ESR1: variants seen among roughly 807,000 people sequenced by gnomAD.
ESR1 encodes the protein estrogen receptor 1, also known as estrogen receptor.
ESR1 carries 12 observed loss-of-function variants against 52.7 expected under a neutral mutation model. The observed-to-expected ratio is 0.23, with a 90% CI of 0.15 to 0.37. The LOEUF is 0.37. Among genes scored for constraint, ESR1 ranks in the 10% least tolerant of loss-of-function variants. The pLI is 1.00. For synonymous variants in ESR1, 305 were observed against 316.8 expected (o/e 0.96, Z 0.39); for missense variants, 584 against 779.7 (o/e 0.75, Z 2.99).
intron 4 of ESR1, among the ~76,000 whole-genome samples, chr6:151,964,874 CCTCGTGATCCA>C (rs1299431472): frequency 6.6e-6 from 1 of 152,168 alleles, no homozygotes; most frequent in African/African-American, 2.4e-5. Context: ...GATCTCCTGA[CCTCGTGATCCA>C]CCCGCCTCAG....
intron 2 of ESR1, among the ~76,000 whole-genome samples, chr6:151,791,875 C>T (rs1776193073): frequency 6.6e-6 from 1 of 152,180 alleles, no homozygotes; most frequent in Non-Finnish European, 1.5e-5. Context: ...AGTTAGACAA[C>T]AAATTCAAAT....
intron 1 of ESR1, among the ~76,000 whole-genome samples, chr6:151,672,267 TA>T (rs771976698): frequency 1.6e-4 from 25 of 152,174 alleles, no homozygotes; most frequent in Non-Finnish European, 3.5e-4. Flanking sequence ...ATGCGGTTTT[TA>T]TTTGTCAATT....
At position 152,101,791 on chromosome 6, in the gene ESR1, G is replaced by A. The variant is rs1740290170; in HGVS notation, c.*2825G>A. 1 of 228,782 alleles carries A rather than the reference G, an allele frequency of 4.4e-6. No homozygotes were observed. Among genetic ancestry groups the A allele is most frequent in the African/African-American group, 2.2e-5 (1 of 45,122 alleles). 14.2% of individuals were successfully genotyped at this position (228,782 alleles called of 1,614,324 possible). The stretch of plus-strand genomic sequence containing the variant: ...TGGCAAATATATTAAGAAGAGTATT[G>A]AAAGTATTTGGAGGAAAATGGTTAA... On this transcript the variant is annotated 3_prime_UTR_variant, in exon 8 of 8. Transcript: ENST00000206249.
intron 2 of ESR1, among the ~76,000 whole-genome samples, chr6:151,766,783 T>C (rs1334079441): frequency 6.6e-6 from 1 of 152,216 alleles, no homozygotes; most frequent in Non-Finnish European, 1.5e-5. Context: ...TAGCTAACTT[T>C]TCTAGCGATA....
chr6:151,979,239 G>A (rs1034581331), intron 4 of ESR1, among the ~76,000 whole-genome samples: 6 of 152,148 alleles, frequency 3.9e-5, no homozygotes, highest in African/African-American at 9.6e-5. Context: ...GGGTTTCAAC[G>A]TATAAATTTT....
chr6:151,690,576 C>T (rs1778864434), exon 1 of ESR1: 1 of 152,216 alleles, frequency 6.6e-6, no homozygotes, highest in African/African-American at 2.4e-5. Context: ...CTCAGAAGCT[C>T]TTTAACAGGC....
At chr6:152,042,921 T>C (rs1367847458) in intron 5 of ESR1, among the ~76,000 whole-genome samples, 1 of 152,172 alleles carries the variant, frequency 6.6e-6, no homozygotes, top group African/African-American at 2.4e-5. Flanking sequence ...CACCTCAGGA[T>C]CCAATTATTA....
chr6:151,679,554 C>T (rs558737030), intron 1 of ESR1, among the ~76,000 whole-genome samples: 12 of 152,100 alleles, frequency 7.9e-5, no homozygotes, highest in African/African-American at 2.4e-4. Context: ...TTCACCATGT[C>T]GGCCAGGCCA....
intron 1 of ESR1, among the ~76,000 whole-genome samples, chr6:151,826,963 G>A (rs7753153): frequency 0.23 from 34,313 of 152,050 alleles, 4,857 homozygotes; most frequent in African/African-American, 0.4. Flanking sequence ...CAGCAGGGAA[G>A]AGGCCCTGAT....
intron 4 of ESR1, among the ~76,000 whole-genome samples, chr6:151,984,361 C>A (rs2040255535): frequency 6.6e-6 from 1 of 151,976 alleles, no homozygotes. Context: ...GGTAAGATGG[C>A]CATTTAAACG....
At chr6:151,764,311 A>G (rs575078619) in intron 2 of ESR1, among the ~76,000 whole-genome samples, 12 of 152,324 alleles carry the variant, frequency 7.9e-5, no homozygotes, top group African/African-American at 2.4e-4. Context: ...AGAATGTGTT[A>G]AACATATGGA....
chr6:151,835,038 C>T (rs1296746511), intron 1 of ESR1, among the ~76,000 whole-genome samples: 1 of 152,016 alleles, frequency 6.6e-6, no homozygotes, highest in Admixed American at 6.5e-5. Context: ...AACTTAACCC[C>T]AGGAGCCAGC....
intron 5 of ESR1, among the ~76,000 whole-genome samples, chr6:152,048,349 G>A (rs1370775186): frequency 2.2e-5 from 3 of 135,220 alleles, no homozygotes; most frequent in Admixed American, 8.0e-5. Flanking sequence ...GAGACAAAGT[G>A]TGACACCATC....
chr6:152,031,677 C>A (rs6557185), intron 5 of ESR1, among the ~76,000 whole-genome samples: 1 of 151,924 alleles, frequency 6.6e-6, no homozygotes, highest in Non-Finnish European at 1.5e-5. Context: ...AAGTCCAGGA[C>A]CAGACGGATT....
chr6:151,800,173 A>G (rs1777097636), upstream of ESR1, among the ~76,000 whole-genome samples: 1 of 152,190 alleles, frequency 6.6e-6, no homozygotes, highest in African/African-American at 2.4e-5. Context: ...CAATGTATAT[A>G]TGAAAGTAAA....
At chr6:151,812,159 G>T (rs1778932381) in intron 1 of ESR1, among the ~76,000 whole-genome samples, 1 of 152,108 alleles carries the variant, frequency 6.6e-6, no homozygotes, top group Admixed American at 6.5e-5. Context: ...TAGAAAAGAT[G>T]CCAGACTTAC....
intron 4 of ESR1, among the ~76,000 whole-genome samples, chr6:151,957,707 A>T (rs970935029): frequency 1.3e-5 from 2 of 152,248 alleles, no homozygotes; most frequent in Non-Finnish European, 2.9e-5. Context: ...ACAAGAATAC[A>T]GAGGTAAGAA....
intron 3 of ESR1, among the ~76,000 whole-genome samples, chr6:151,928,310 A>T (rs945904905): frequency 1.3e-5 from 2 of 152,184 alleles, no homozygotes; most frequent in African/African-American, 2.4e-5. Context: ...ACATTAGCCT[A>T]CAGTTGAGCA....
intron 1 of ESR1, among the ~76,000 whole-genome samples, chr6:151,822,412 C>A (rs1027228440): frequency 6.6e-6 from 1 of 152,252 alleles, no homozygotes; most frequent in African/African-American, 2.4e-5. Flanking sequence ...CTCTAAGGAG[C>A]TGAAAACAAA....
Sources: allele counts gnomAD v4.1 joint callset (sites outside exome capture counted in the v4.1 genomes callset), GRCh38; gene constraint gnomAD v4.1.1; transcripts MANE v1.5; gene names NCBI Gene and HGNC (gene_info 2026-07-23, HGNC 2026-07-21).